Variants in MAF observed in about 807,000 individuals in gnomAD.
MAF encodes transcription factor Maf.
Under a neutral mutation model 22.0 loss-of-function variants are expected in MAF, and 10 were observed. The ratio of observed to expected loss-of-function variants is 0.45; its 90% confidence interval spans 0.28 to 0.77. The LOEUF is 0.77. Ranked by LOEUF, MAF falls within the 30% of genes least tolerant of loss-of-function variation. MAF has a pLI of 0.12. For synonymous variants in MAF, 337 were observed against 255.8 expected (o/e 1.32, Z -3.03); for missense variants, 544 against 548.4 (o/e 0.99, Z 0.08).
chr16:79,370,467 G>T, the MAF span, among the ~76,000 whole-genome samples: 1 of 152,140 alleles, frequency 6.6e-6, no homozygotes. Flanking sequence ...TTACTCAAAG[G>T]CAACAAAACC....
chr16:79,308,500 T>C, the MAF span, among the ~76,000 whole-genome samples: 2 of 152,074 alleles, frequency 1.3e-5, no homozygotes, highest in African/African-American at 4.8e-5. Context: ...CCCCATGGAA[T>C]TGTAGGGACC....
the MAF span, among the ~76,000 whole-genome samples, chr16:79,368,070 G>A: frequency 6.6e-6 from 1 of 152,192 alleles, no homozygotes; most frequent in African/African-American, 2.4e-5. Flanking sequence ...AGAGGCTAGA[G>A]GCTTCCCCGT....
the MAF span, among the ~76,000 whole-genome samples, chr16:79,318,919 A>T: frequency 2.6e-5 from 4 of 152,210 alleles, no homozygotes; most frequent in Admixed American, 2.0e-4. Context: ...CCTGAGCCTC[A>T]ACAGCCATCA....
chr16:79,254,503 T>C, the MAF span, among the ~76,000 whole-genome samples: 23 of 152,210 alleles, frequency 1.5e-4, no homozygotes, highest in Non-Finnish European at 1.6e-4. Flanking sequence ...TGATTTTTAT[T>C]ATATCTTAAA....
At chr16:79,244,641 C>G in the MAF span, among the ~76,000 whole-genome samples, 1 of 152,040 alleles carries the variant, frequency 6.6e-6, no homozygotes, top group Non-Finnish European at 1.5e-5. Context: ...GGCCATAGTG[C>G]CAAAAGTAAT....
chr16:79,366,267 A>G, the MAF span, among the ~76,000 whole-genome samples: 2 of 152,206 alleles, frequency 1.3e-5, no homozygotes, highest in East Asian at 1.9e-4. Context: ...GTAACTGCAC[A>G]CTAGACTGTC....
the MAF span, among the ~76,000 whole-genome samples, chr16:79,519,529 AC>A: frequency 1.3e-5 from 2 of 152,078 alleles, no homozygotes; most frequent in South Asian, 4.1e-4. Flanking sequence ...GGCCTCCCTT[AC>A]CACTCTCTGT....
At chr16:79,596,203 G>C (rs1838057963) in intron 1 of MAF, 1 of 1,061,366 alleles carries the variant, frequency 9.4e-7, no homozygotes. Flanking sequence ...GTTTTGTTTT[G>C]TTTTTCCTAC....
At chr16:79,533,601 T>C in the MAF span, among the ~76,000 whole-genome samples, 1 of 152,070 alleles carries the variant, frequency 6.6e-6, no homozygotes, top group Non-Finnish European at 1.5e-5. Context: ...TCATTGTCCA[T>C]CTGGTTCATA....
the MAF span, among the ~76,000 whole-genome samples, chr16:79,564,840 C>T: frequency 6.6e-6 from 1 of 152,200 alleles, no homozygotes; most frequent in African/African-American, 2.4e-5. Flanking sequence ...CTGACAATTG[C>T]AGCCTATTAA....
the MAF span, among the ~76,000 whole-genome samples, chr16:79,444,916 A>T: frequency 6.6e-6 from 1 of 152,234 alleles, no homozygotes; most frequent in Non-Finnish European, 1.5e-5. Flanking sequence ...TTAAAAGGAC[A>T]CCCAACAGAT....
chr16:79,272,390 C>T, the MAF span, among the ~76,000 whole-genome samples: 3 of 152,208 alleles, frequency 2.0e-5, no homozygotes, highest in African/African-American at 4.8e-5. Context: ...CAGGCTGGGG[C>T]GGGTCGCCTG....
chr16:79,267,364 AAGG>A, the MAF span, among the ~76,000 whole-genome samples: 1 of 152,176 alleles, frequency 6.6e-6, no homozygotes, highest in Non-Finnish European at 1.5e-5. Context: ...TACCCAGAAC[AAGG>A]AGGAGAGGAG....
At chr16:79,401,151 C>T in the MAF span, among the ~76,000 whole-genome samples, 44 of 152,196 alleles carry the variant, frequency 2.9e-4, no homozygotes, top group African/African-American at 9.4e-4. Flanking sequence ...GCTGGGTCCT[C>T]ACTCCTGATC....
At chr16:79,598,459 A>AAG (rs1913710946) in intron 1 of MAF, 2 of 1,268,122 alleles carry the variant, frequency 1.6e-6, no homozygotes, top group African/African-American at 3.1e-5. Context: ...GGGGTGTAAA[A>AAG]AAAAAAAAAA....
the MAF span, among the ~76,000 whole-genome samples, chr16:79,454,524 C>T: frequency 2.7e-3 from 410 of 152,280 alleles, 4 homozygotes; most frequent in East Asian, 0.034. Flanking sequence ...TGCCAGTATA[C>T]TCATTAATCT....
At chr16:79,524,807 C>T in the MAF span, among the ~76,000 whole-genome samples, 1 of 152,198 alleles carries the variant, frequency 6.6e-6, no homozygotes, top group Non-Finnish European at 1.5e-5. Flanking sequence ...AGATTAAGTA[C>T]TTAGGCAACA....
chr16:79,589,901 C>A (rs887736018), downstream of MAF, among the ~76,000 whole-genome samples: 3 of 152,178 alleles, frequency 2.0e-5, no homozygotes, highest in Non-Finnish European at 4.4e-5. Flanking sequence ...AGGGGCGCTG[C>A]GTTGCTGGCG....
At chr16:79,474,212 T>C in the MAF span, among the ~76,000 whole-genome samples, 1 of 152,186 alleles carries the variant, frequency 6.6e-6, no homozygotes, top group African/African-American at 2.4e-5. Context: ...TCCAAATCTC[T>C]CTACATGGCA....
Sources: allele counts gnomAD v4.1 joint callset (sites outside exome capture counted in the v4.1 genomes callset), GRCh38; gene constraint gnomAD v4.1.1; transcripts MANE v1.5; gene names NCBI Gene and HGNC (gene_info 2026-07-23, HGNC 2026-07-21).